PPARG: variants seen among roughly 807,000 people sequenced by gnomAD.
The protein encoded by PPARG is peroxisome proliferator-activated receptor gamma.
A neutral mutation model predicts 39.2 loss-of-function variants in PPARG; 17 were observed. The ratio of observed to expected loss-of-function variants is 0.43; its 90% CI spans 0.30 to 0.65. The LOEUF (loss-of-function observed/expected upper bound fraction) is 0.65. Among genes scored for constraint, PPARG ranks in the 30% least tolerant of loss-of-function variants. PPARG has a pLI of 0.13. For synonymous variants in PPARG, 223 were observed against 215.7 expected (o/e 1.03, Z -0.30); for missense variants, 406 against 585.9 (o/e 0.69, Z 3.17).
chr3:12,405,853 T>A (rs760535781), intron 5 of PPARG, 29 bp from the exon 6 acceptor site: 19 of 1,599,874 alleles, frequency 1.2e-5, no homozygotes, highest in Non-Finnish European at 1.4e-5. Context: ...AATCCAATGA[T>A]TCATCCTGTC....
At chr3:12,325,245 A>G (rs1221337194) in intron 2 of PPARG, among the ~76,000 whole-genome samples, 1 of 152,006 alleles carries the variant, frequency 6.6e-6, no homozygotes, top group Non-Finnish European at 1.5e-5. Flanking sequence ...ACATGGTAAA[A>G]CCCCGTCTCT....
In PPARG at chr3:12,289,153, A is replaced by G. The variant is rs529101522; in HGVS notation, c.-83+19A>G. 1 of 152,262 alleles carries G rather than the reference A, an allele frequency of 6.6e-6. No individual in the cohort carries two copies. Among genetic ancestry groups the G allele is most frequent in the East Asian group, 1.9e-4 (1 of 5,178 alleles). The allele number at this position is 152,262 out of a possible 1,614,324, so 9.4% of individuals were successfully genotyped here. A position where few individuals can be genotyped will look rare whatever the true frequency, so the allele number is the denominator to read the frequency against. The stretch of plus-strand genomic sequence containing the variant: ...TCCTTAGGTGAGTTGGCTCACTCTC[A>G]TTGCATTTTGTTGGAATGTGTTGGT... On this transcript the variant is annotated intron_variant, in intron 1 of 7. Coordinates refer to ENST00000651735, the MANE Select transcript of PPARG (RefSeq NM_138711.6).
At chr3:12,404,546 G>A (rs1247768056) in intron 5 of PPARG, among the ~76,000 whole-genome samples, 2 of 152,222 alleles carry the variant, frequency 1.3e-5, no homozygotes, top group African/African-American at 4.8e-5. Flanking sequence ...GCTCATGCCT[G>A]TAACCCCAAC....
chr3:12,406,138 GTTTC>G, intron 6 of PPARG, 57 bp downstream of exon 6: 1 of 1,515,144 alleles, frequency 6.6e-7, no homozygotes, highest in Non-Finnish European at 9.1e-7. Flanking sequence ...TTGGGTTTTT[GTTTC>G]TTTGAGTAAA....
intron 2 of PPARG, among the ~76,000 whole-genome samples, chr3:12,374,300 C>A (rs1284843680): frequency 6.6e-6 from 1 of 152,028 alleles, no homozygotes. Context: ...ATGTCTTTGT[C>A]AAAACCCATA....
intron 1 of PPARG, among the ~76,000 whole-genome samples, chr3:12,308,245 G>A (rs1450281065): frequency 2.0e-5 from 3 of 150,814 alleles, no homozygotes; most frequent in Non-Finnish European, 2.9e-5. Flanking sequence ...TTGGGAGGCC[G>A]AGGTGAGAGC....
At chr3:12,290,067 A>G (rs1207643711) in intron 1 of PPARG, among the ~76,000 whole-genome samples, 1 of 152,196 alleles carries the variant, frequency 6.6e-6, no homozygotes, top group East Asian at 1.9e-4. Context: ...GATTTAAATT[A>G]TATGATATTT....
intron 2 of PPARG, among the ~76,000 whole-genome samples, chr3:12,314,987 T>C (rs994052243): frequency 4.6e-5 from 7 of 152,204 alleles, no homozygotes; most frequent in Admixed American, 4.6e-4. Context: ...AATCTGCTCT[T>C]CTAGCTATTG....
At chr3:12,366,289 G>A (rs1187162653) in intron 2 of PPARG, among the ~76,000 whole-genome samples, 8 of 151,424 alleles carry the variant, frequency 5.3e-5, no homozygotes, top group African/African-American at 1.9e-4. Context: ...TATTAACCTT[G>A]TATCCTGCAA....
chr3:12,431,134 G>C (rs1316336581), intron 7 of PPARG, among the ~76,000 whole-genome samples: 1 of 151,766 alleles, frequency 6.6e-6, no homozygotes, highest in African/African-American at 2.4e-5. Context: ...TTCTTGATGA[G>C]CCTGACTGAG....
chr3:12,328,843 C>G (rs1034202239), intron 2 of PPARG, among the ~76,000 whole-genome samples: 4 of 152,228 alleles, frequency 2.6e-5, no homozygotes, highest in Non-Finnish European at 4.4e-5. Flanking sequence ...TCTCAGTGAA[C>G]AGAATAGCAG....
At chr3:12,332,980 A>G (rs2047906027) in intron 2 of PPARG, among the ~76,000 whole-genome samples, 2 of 152,134 alleles carry the variant, frequency 1.3e-5, no homozygotes, top group Admixed American at 1.3e-4. Flanking sequence ...CCAGTGAGCC[A>G]TGTTCACACC....
At chr3:12,332,723 A>G (rs1377274106) in intron 2 of PPARG, among the ~76,000 whole-genome samples, 2 of 152,184 alleles carry the variant, frequency 1.3e-5, no homozygotes, top group Non-Finnish European at 2.9e-5. Context: ...GCAAGTAGAC[A>G]TGTATACAGT....
At chr3:12,312,912 T>G (rs17036281) in intron 2 of PPARG, among the ~76,000 whole-genome samples, 13,204 of 152,168 alleles carry the variant, frequency 0.087, 732 homozygotes, top group Admixed American at 0.17. Flanking sequence ...GGAGGAAGAA[T>G]TGCTAAGTTA....
At chr3:12,378,456 T>C (rs1293088178) in intron 2 of PPARG, among the ~76,000 whole-genome samples, 4 of 152,154 alleles carry the variant, frequency 2.6e-5, no homozygotes, top group African/African-American at 4.8e-5. Context: ...CAGATGTATA[T>C]GTACACACCC....
intron 3 of PPARG, among the ~76,000 whole-genome samples, chr3:12,380,517 T>C (rs2049606263): frequency 6.6e-6 from 1 of 152,206 alleles, no homozygotes; most frequent in Non-Finnish European, 1.5e-5. Flanking sequence ...AGATAAAATG[T>C]ATTTCTGTGA....
intron 1 of PPARG, among the ~76,000 whole-genome samples, chr3:12,293,502 G>C (rs970223206): frequency 5.9e-5 from 9 of 152,128 alleles, no homozygotes; most frequent in African/African-American, 2.2e-4. Context: ...GTAAGGAGAA[G>C]GTAGATATGA....
rs117527769 is a variant in PPARG at position 12,302,725 on chromosome 3, G to A, written c.-82-9655G>A. On this transcript the variant is annotated intron_variant, in intron 1 of 7. Coordinates refer to ENST00000651735, the MANE Select transcript of PPARG (RefSeq NM_138711.6). ...TAGATTTTAGGCCAGATGATAAAAG[G>A]TCTGGAATGCAGGAGAAGGAGTGTG... Among the ~76,000 whole-genome samples the A allele has an allele frequency of 1.6e-4, 25 of 151,990 alleles. No homozygotes were observed. The East Asian group carries it at 4.8e-3, about 29-fold the overall frequency.
chr3:12,368,212 C>T (rs80061131), intron 2 of PPARG, among the ~76,000 whole-genome samples: 145,499 of 145,516 alleles, frequency 1, 72,741 homozygotes, highest in Middle Eastern at 1. Context: ...GACAGTGTCT[C>T]TCTCTGTTGC....
Sources: gnomAD v4.1 joint callset for allele counts (sites outside exome capture counted in the v4.1 genomes callset) on GRCh38, gnomAD v4.1.1 for gene constraint, MANE v1.5 for transcripts, NCBI Gene and HGNC (gene_info 2026-07-23, HGNC 2026-07-21) for gene names.